Variants in DDX6 observed in about 807,000 individuals in gnomAD.
DDX6 encodes DEAD-box helicase 6.
Under a neutral mutation model 60.6 loss-of-function variants are expected in DDX6, and 7 were observed. The ratio of observed to expected loss-of-function variants is 0.12; its 90% CI spans 0.07 to 0.22. The LOEUF (loss-of-function observed/expected upper bound fraction) is 0.22, where lower values mean the gene tolerates loss of function less well. DDX6 is among the 10% of genes least tolerant of loss of function. DDX6 has a pLI of 1.00. For synonymous variants in DDX6, 207 were observed against 201.0 expected (o/e 1.03, Z -0.25); for missense variants, 270 against 589.9 (o/e 0.46, Z 5.62).
chr11:118,757,843 G>A (rs1388109754), intron 9 of DDX6, among the ~76,000 whole-genome samples: 3 of 151,972 alleles, frequency 2.0e-5, no homozygotes, highest in African/African-American at 4.8e-5. Context: ...TGCCCACTTC[G>A]GCTTCCCAAA....
At chr11:118,770,074 T>C (rs553625624) in intron 4 of DDX6, among the ~76,000 whole-genome samples, 1 of 151,878 alleles carries the variant, frequency 6.6e-6, no homozygotes, top group Non-Finnish European at 1.5e-5. Flanking sequence ...TCACTCAGGC[T>C]GGAGTACAAT....
At chr11:118,762,728 G>C (rs1191380420) in intron 7 of DDX6, among the ~76,000 whole-genome samples, 2 of 152,130 alleles carry the variant, frequency 1.3e-5, no homozygotes, top group African/African-American at 2.4e-5. Flanking sequence ...TCTTAAGTCA[G>C]GGACCATCTG....
chr11:118,757,335 T>C lies in DDX6; in HGVS notation c.994-48A>G, dbSNP rs781852750. The stretch of plus-strand genomic sequence containing the variant: ...ATGAGAAAAATAAAAAAAACCTTCA[T>C]TTGGTTTGCCAAATCTTGAAAACAC... On this transcript the variant is annotated intron_variant, in intron 9 of 13. Transcript: ENST00000534980. 1.0e-5 allele frequency: 11 copies of C among 1,099,364 alleles called. No individual in the cohort carries two copies. The Middle Eastern group carries it at 2.1e-3, about 206-fold the overall frequency. 68.1% of individuals were successfully genotyped at this position (1,099,364 alleles called of 1,614,324 possible). A position where few individuals can be genotyped will look rare whatever the true frequency, so the allele number is the denominator to read the frequency against.
At chr11:118,755,378 G>C (rs1390518721) in intron 12 of DDX6, 24 bp downstream of exon 12, 2 of 1,456,040 alleles carry the variant, frequency 1.4e-6, no homozygotes, top group Non-Finnish European at 1.9e-6. Flanking sequence ...CTTCTACCAA[G>C]AATATCACCT....
At chr11:118,788,032 G>T (rs957499307) in intron 1 of DDX6, 8 of 151,658 alleles carry the variant, frequency 5.3e-5, no homozygotes, top group Non-Finnish European at 1.2e-4. Context: ...ACTGGTAGGA[G>T]GGGCACGGTA....
chr11:118,791,276 G>T (rs1428929664), upstream of DDX6: 1 of 152,086 alleles, frequency 6.6e-6, no homozygotes, highest in African/African-American at 2.4e-5. Context: ...CGAAACCTCG[G>T]CCGCCGCGGC....
chr11:118,761,861 GAAAAAAA>G lies in DDX6; in HGVS notation c.741+1344_741+1350del, dbSNP rs11296874. Among the ~76,000 whole-genome samples the G allele has an allele frequency of 3.7e-5, 5 of 134,024 alleles. No individual in the cohort carries two copies. The East Asian group carries it at 1.1e-3, about 29-fold the overall frequency. 87.9% of individuals were successfully genotyped at this position (134,024 alleles called of 152,430 possible). On this transcript the variant is annotated intron_variant, in intron 7 of 13. Transcript: ENST00000534980. ...ATAGGTTTCTTGTAAAAATTAAATGGAAAAAAAAAAAAAAAAACAAACCATGTAAAGC... is the reference window on the plus strand; with the variant it reads ...ATAGGTTTCTTGTAAAAATTAAATGGAAAAAAAAAACAAACCATGTAAAGC...
chr11:118,787,360 C>T (rs1206359516), intron 1 of DDX6: 4 of 152,318 alleles, frequency 2.6e-5, no homozygotes, highest in Non-Finnish European at 5.9e-5. Flanking sequence ...ATTCCAGCTA[C>T]TTGGGAGGCT....
intron 5 of DDX6, 53 bp downstream of exon 5, chr11:118,768,170 C>G: frequency 6.4e-7 from 1 of 1,560,054 alleles, no homozygotes; most frequent in Non-Finnish European, 8.7e-7. Flanking sequence ...ACACATGGCT[C>G]CAAGGCTGAA....
chr11:118,788,366 T>C (rs558579531), intron 1 of DDX6: 1 of 152,372 alleles, frequency 6.6e-6, no homozygotes, highest in Admixed American at 6.5e-5. Flanking sequence ...AGTTTAAAAT[T>C]ATCCCGTAAA....
rs1183026510 is a variant in DDX6 at position 118,754,354 on chromosome 11, C to A, written c.*7+351G>T. 2.0e-5 allele frequency among the ~76,000 whole-genome samples: 3 copies of A among 152,338 alleles called. No individual in the cohort carries two copies. The East Asian group carries it at 5.8e-4, about 29-fold the overall frequency. ...CCCAGGAGAACCAGGCTGCAGTGAG[C>A]TATGATTGCACCACTGCACTCCAGC... On this transcript the variant is annotated intron_variant, in intron 13 of 13. Transcript: ENST00000534980.
chr11:118,756,841 A>C (rs1437062501), intron 10 of DDX6, among the ~76,000 whole-genome samples: 1 of 151,752 alleles, frequency 6.6e-6, no homozygotes, highest in African/African-American at 2.4e-5. Flanking sequence ...TTAAATTGCC[A>C]CATGTGGCTA....
chr11:118,747,846 A>C lies in DDX6; in HGVS notation c.*4259T>G, dbSNP rs1555156138. On this transcript the variant is annotated 3_prime_UTR_variant, in exon 14 of 14. Coordinates refer to ENST00000534980, the MANE Select transcript of DDX6 (RefSeq NM_004397.6). ...ATTTTTGGAACCTTATAAACTCAGC[A>C]GACTCCGGTCCATATATGCGTACAT... 6.6e-6 allele frequency: 1 copy of C among 151,396 alleles called. No individual in the cohort carries two copies. Among genetic ancestry groups the C allele is most frequent in the Admixed American group, 6.6e-5 (1 of 15,154 alleles). The allele number at this position is 151,396 out of a possible 1,614,324, so 9.4% of individuals were successfully genotyped here. A position where few individuals can be genotyped will look rare whatever the true frequency, so the allele number is the denominator to read the frequency against.
rs1860635622 is a variant in DDX6 at position 118,748,473 on chromosome 11, T to G, written c.*3632A>C. The G allele has an allele frequency of 6.6e-6, 1 of 152,214 alleles. No homozygotes were observed. Among genetic ancestry groups the G allele is most frequent in the Non-Finnish European group, 1.5e-5 (1 of 68,040 alleles). The allele number at this position is 152,214 out of a possible 1,614,324, so 9.4% of individuals were successfully genotyped here. ...CCAAAAAGCTGACTTACTTCAGCTC[T>G]CATGAGGCCAATAATTTTGATAAAG... is the stretch of plus-strand genomic sequence containing the variant. On this transcript the variant is annotated 3_prime_UTR_variant, in exon 14 of 14. Transcript: ENST00000534980.
At chr11:118,776,719 G>A (rs1327218180) in intron 4 of DDX6, among the ~76,000 whole-genome samples, 1 of 151,736 alleles carries the variant, frequency 6.6e-6, no homozygotes, top group African/African-American at 2.4e-5. Context: ...TGTAGTCCCC[G>A]CTATTCGGGA....
intron 13 of DDX6, among the ~76,000 whole-genome samples, chr11:118,753,200 C>A (rs1860839732): frequency 1.3e-5 from 2 of 151,456 alleles, no homozygotes; most frequent in Admixed American, 6.6e-5. Flanking sequence ...GGCTAATTTT[C>A]TGTATCTTTA....
intron 2 of DDX6, among the ~76,000 whole-genome samples, chr11:118,783,435 C>T (rs1861967949): frequency 6.6e-6 from 1 of 152,054 alleles, no homozygotes; most frequent in African/African-American, 2.4e-5. Flanking sequence ...GTGATCTTCC[C>T]ACCTCAGCCT....
chr11:118,763,928 G>A (rs1295659166), intron 6 of DDX6, among the ~76,000 whole-genome samples: 11 of 151,870 alleles, frequency 7.2e-5, no homozygotes, highest in African/African-American at 2.4e-4. Context: ...TGTGTTTTAG[G>A]ATAAAGACTT....
intron 13 of DDX6, among the ~76,000 whole-genome samples, chr11:118,753,840 C>A (rs775179316): frequency 1.3e-5 from 2 of 151,898 alleles, no homozygotes; most frequent in African/African-American, 2.4e-5. Context: ...ACCTGTAATC[C>A]CAGCCTCCCT....
Sources: allele counts gnomAD v4.1 joint callset (sites outside exome capture counted in the v4.1 genomes callset), GRCh38; gene constraint gnomAD v4.1.1; transcripts MANE v1.5; gene names NCBI Gene and HGNC (gene_info 2026-07-23, HGNC 2026-07-21).